NEURL4: variants seen among roughly 807,000 people sequenced by gnomAD.
The protein encoded by NEURL4 is neuralized E3 ubiquitin protein ligase 4.
Under a neutral mutation model 148.0 loss-of-function variants are expected in NEURL4, and 45 were observed. That is an observed-to-expected ratio of 0.30 (90% CI 0.24 to 0.39). The LOEUF is 0.39. NEURL4 is among the 10% of genes least tolerant of loss of function. The pLI is 1.00. For synonymous variants in NEURL4, 854 were observed against 869.0 expected, an observed-to-expected ratio of 0.98 and a Z score of 0.30; for missense variants, 1,776 against 2,144.0, an observed-to-expected ratio of 0.83 and a Z score of 3.39.
rs771693590 is a variant in NEURL4 at position 7,329,197 on chromosome 17, C to T, written c.116G>A (p.Gly39Asp). The change falls in exon 1 of 29, where the codon GGC becomes GAC. Residue 39 changes from glycine to aspartate, a missense_variant. Transcript: ENST00000399464. ...GCGCGGGTGCAGTTCCCCGCCGCTG[C>T]CCAGACCCCCGTTGGACCCCGGTCC... ...GSGPGSNGGL[G>D]SGGELHPRTG... 6.3e-7 allele frequency: 1 copy of T among 1,578,876 alleles called. No homozygotes were observed. The highest frequency in any genetic ancestry group is 8.6e-7 in the Non-Finnish European group (1 of 1,167,582).
Position 7,323,118 on chromosome 17 carries a change from G to A in NEURL4, c.2423C>T (p.Thr808Ile). 2 of 1,611,744 alleles carry A rather than the reference G, an allele frequency of 1.2e-6. No individual in the cohort carries two copies. Among genetic ancestry groups the A allele is most frequent in the South Asian group, 2.2e-5 (2 of 91,018 alleles). The change falls in exon 15 of 29, where the codon ACA (threonine) becomes ATA (isoleucine). Residue 808 changes from threonine to isoleucine, a missense_variant. Transcript: ENST00000399464. Reference sequence around the variant, plus strand: ...CGTGTTACCGTCTTGCATGATGGCTGTACCACTGGGGGGATGGCAGAAGGG... The same window carrying A: ...CGTGTTACCGTCTTGCATGATGGCTATACCACTGGGGGGATGGCAGAAGGG... ...IDYDTWMLSG[T>I]AIMQDGNTMR...
At chr17:7,316,779 G>A (rs1427906203) in intron 28 of NEURL4, among the ~76,000 whole-genome samples, 3 of 152,096 alleles carry the variant, frequency 2.0e-5, no homozygotes, top group African/African-American at 4.8e-5. Flanking sequence ...AAAATTATCC[G>A]GGCTTGGTGG....
rs184519148 is a variant in NEURL4 at position 7,319,868 on chromosome 17, T to C, written c.3526-660A>G. 6.1e-3 allele frequency among the ~76,000 whole-genome samples: 926 copies of C among 151,954 alleles called. 8 individuals carry two copies. The highest frequency in any genetic ancestry group is 0.022 in the African/African-American group (893 of 41,490). On this transcript the variant is annotated intron_variant, in intron 21 of 28. Coordinates refer to ENST00000399464, the MANE Select transcript of NEURL4 (RefSeq NM_032442.3). ...TTATTGAGACGGAGTCTCGCTCTGT[T>C]GCCCAGGCTGGAGTGCAGCGGTGCG...
Position 7,326,692 on chromosome 17 carries a change from A to G in NEURL4, c.1092+19T>C. Reference sequence around the variant, plus strand: ...CTCCCAGGGATAAGGCGCCAACCAGACCACAGGACTTTGCACACCTCAAAC... The same window carrying G: ...CTCCCAGGGATAAGGCGCCAACCAGGCCACAGGACTTTGCACACCTCAAAC... On this transcript the variant is annotated intron_variant, in intron 4 of 28. Transcript: ENST00000399464. This position sits in a 1 kb window ranked among gnomAD's most constrained non-coding sequence, Gnocchi z 6.0. The G allele has an allele frequency of 1.2e-6, 2 of 1,607,256 alleles. No individual in the cohort carries two copies. Among genetic ancestry groups the G allele is most frequent in the Non-Finnish European group, 1.7e-6 (2 of 1,177,114 alleles).
rs1202708942 is a variant in NEURL4 at position 7,329,324 on chromosome 17, C to A, written c.-12G>T. 8 of 1,380,930 alleles carry A rather than the reference C, an allele frequency of 5.8e-6. No homozygotes were observed. Among genetic ancestry groups the A allele is most frequent in the Non-Finnish European group, 7.4e-6 (8 of 1,074,642 alleles). The allele number at this position is 1,380,930 out of a possible 1,614,324, so 85.5% of individuals were successfully genotyped here. A position where few individuals can be genotyped will look rare whatever the true frequency, so the allele number is the denominator to read the frequency against. On this transcript the variant is annotated 5_prime_UTR_variant, in exon 1 of 29. Transcript: ENST00000399464. ...GACCCTGCCGCCATCTCCGCTGACA[C>A]CGGGGCAGCGCGACAGCCGCGCTTG...
chr17:7,323,970 T>C lies in NEURL4; in HGVS notation c.2105A>G (p.Gln702Arg). The change falls in exon 12 of 29, where the codon CAG becomes CGG. Residue 702 changes from glutamine (Q) to arginine (R), a missense_variant. Gln to Arg is a conservative substitution (Grantham distance 43). Transcript: ENST00000399464. ...TGAGGACGGAGAGCTTGGAGACACC[T>C]GGTTGTTCCCCTCAGGGAGTGGTTC... The part of the protein sequence containing the change: ...VPEPLPEGNN[Q>R]VSPSSPSSGA... The C allele has an allele frequency of 6.2e-7, 1 of 1,612,130 alleles. No individual in the cohort carries two copies. Among genetic ancestry groups the C allele is most frequent in the Non-Finnish European group, 8.5e-7 (1 of 1,180,008 alleles).
intron 21 of NEURL4, among the ~76,000 whole-genome samples, chr17:7,320,417 G>A (rs751481391): frequency 1.9e-4 from 29 of 152,144 alleles, no homozygotes; most frequent in Non-Finnish European, 3.7e-4. Flanking sequence ...TTACAGGTAT[G>A]AGCCACCGCA....
chr17:7,329,098 T>C lies in NEURL4; in HGVS notation c.215A>G (p.His72Arg), dbSNP rs745501035. ...RRQQPGQEFN[H>R]GLVLSREPLR... ...GGGTTCTCGGCTCAACACCAGCCCG[T>C]GGTTAAACTCCTGGCCCGGCTGCTG... Residue 72 changes from histidine (H) to arginine (R), a missense_variant, in exon 1 of 29, where the codon CAC (histidine) becomes CGC (arginine). Coordinates refer to ENST00000399464, the MANE Select transcript of NEURL4 (RefSeq NM_032442.3). 1 of 1,610,244 alleles carries C rather than the reference T, an allele frequency of 6.2e-7. No individual in the cohort carries two copies. Among genetic ancestry groups the C allele is most frequent in the Non-Finnish European group, 8.5e-7 (1 of 1,179,022 alleles).
rs750819667 is a variant in NEURL4 at position 7,317,292 on chromosome 17, G to A, written c.4397C>T (p.Ala1466Val). 1.3e-5 allele frequency: 20 copies of A among 1,529,292 alleles called. No individual in the cohort carries two copies. In the South Asian group the frequency reaches 2.2e-4, roughly 17 times the overall value. 94.7% of individuals were successfully genotyped at this position (1,529,292 alleles called of 1,614,324 possible). The part of the protein sequence containing the change: ...VGFEEPGENC[A>V]PPREEQPPPV... ...AGGGGGCTGCTCCTCCCGAGGAGGT[G>A]CACAGTTCTCGCCAGGCTCCTCGAA... The change falls in exon 28 of 29, where the codon GCA becomes GTA. Residue 1466 changes from alanine (A) to valine (V), a missense_variant. Coordinates refer to ENST00000399464, the MANE Select transcript of NEURL4 (RefSeq NM_032442.3).
chr17:7,325,163 C>A (rs76228653), intron 8 of NEURL4, 46 bp downstream of exon 8: 18 of 611,992 alleles, frequency 2.9e-5, no homozygotes, highest in East Asian at 2.0e-4. Context: ...CCCCCCCCCC[C>A]ATTAGAATCC....
Position 7,318,300 on chromosome 17 carries a change from T to A in NEURL4, c.3921A>T (p.Gln1307His). The part of the protein sequence containing the change: ...GAASGKSAGT[Q>H]GDMEKADMVD... Reference sequence around the variant, plus strand: ...CCATGTCTGCTTTCTCCATGTCCCCTTGGGTTCCAGCACTTTTCCCACTGG... The same window carrying A: ...CCATGTCTGCTTTCTCCATGTCCCCATGGGTTCCAGCACTTTTCCCACTGG... Residue 1307 changes from glutamine to histidine, a missense_variant, in exon 24 of 29, where the codon CAA becomes CAT. Physicochemically the swap from Gln to His is conservative, Grantham distance 24. Transcript: ENST00000399464. The surrounding 1 kb of genome is among the most constrained non-coding windows in gnomAD (Gnocchi z 4.3). The A allele has an allele frequency of 1.2e-6, 2 of 1,614,084 alleles. No homozygotes were observed. Among genetic ancestry groups the A allele is most frequent in the Non-Finnish European group, 1.7e-6 (2 of 1,180,002 alleles).
In NEURL4 at chr17:7,318,920, C is replaced by T; in HGVS notation, c.3684+130G>A. 15 of 1,096,558 alleles carry T rather than the reference C, an allele frequency of 1.4e-5. No individual in the cohort carries two copies. Among genetic ancestry groups the T allele is most frequent in the Non-Finnish European group, 1.9e-5 (15 of 769,988 alleles). The allele number at this position is 1,096,558 out of a possible 1,614,324, so 67.9% of individuals were successfully genotyped here. On this transcript the variant is annotated intron_variant, in intron 22 of 28. Transcript: ENST00000399464. This position sits in a 1 kb window ranked among gnomAD's most constrained non-coding sequence, Gnocchi z 4.3. ...GACCAGGCAATGCTACTCGCCCTTG[C>T]CTGCCCATTACTGTTCCCCTTTTAC...
chr17:7,317,959 G>A, intron 25 of NEURL4, 27 bp from the exon 26 acceptor site: 1 of 1,613,914 alleles, frequency 6.2e-7, no homozygotes, highest in African/African-American at 1.3e-5. Flanking sequence ...AGCAGGCTTG[G>A]TGCTGTGGCT....
At chr17:7,319,575 C>T (rs1437199654) in intron 21 of NEURL4, among the ~76,000 whole-genome samples, 2 of 150,908 alleles carry the variant, frequency 1.3e-5, no homozygotes. Context: ...TGTCATATGC[C>T]TGTAGTCCCA....
In NEURL4 at chr17:7,327,858, C is replaced by A; in HGVS notation, c.309G>T (p.Glu103Asp). The change falls in exon 2 of 29, where the codon GAG (glutamate) becomes GAT (aspartate). Residue 103 changes from glutamate (E) to aspartate (D), a missense_variant. Transcript: ENST00000399464. This position sits in a 1 kb window ranked among gnomAD's most constrained non-coding sequence, Gnocchi z 6.6. ...RKVNSWSGSI[E>D]IGVTALDPSV... ...TGGGGTCCAGCGCTGTCACCCCAATCTCAATGGAGCCGCTCCAGGAGTTGA... is the reference window on the plus strand; with the variant it reads ...TGGGGTCCAGCGCTGTCACCCCAATATCAATGGAGCCGCTCCAGGAGTTGA... 6.2e-7 allele frequency: 1 copy of A among 1,612,216 alleles called. No individual in the cohort carries two copies. The highest frequency in any genetic ancestry group is 1.1e-5 in the South Asian group (1 of 90,996).
chr17:7,324,145 A>G lies in NEURL4; in HGVS notation c.2025T>C (p.Tyr675=), dbSNP rs753910957. Residue 675 remains tyrosine, a synonymous_variant, in exon 11 of 29, where the codon TAT becomes TAC. Transcript: ENST00000399464. The surrounding 1 kb of genome is among the most constrained non-coding windows in gnomAD (Gnocchi z 5.9). ...CAATGGTGGCCTGGGCCGCCTGGCC[A>G]TAGAGATCGACGACAGCATAGACGC... ...PPGVYAVVDL[Y]GQAAQATIVD... 5 of 1,613,624 alleles carry G rather than the reference A, an allele frequency of 3.1e-6. No homozygotes were observed. The highest frequency in any genetic ancestry group is 4.2e-6 in the Non-Finnish European group (5 of 1,180,000).
chr17:7,317,105 G>A (rs2072958129), intron 28 of NEURL4, 100 bp downstream of exon 28: 2 of 792,130 alleles, frequency 2.5e-6, no homozygotes, highest in African/African-American at 1.8e-5. Flanking sequence ...AAGACGAGAT[G>A]AGAAAAGGGG....
chr17:7,326,831 G>A lies in NEURL4; in HGVS notation c.972C>T (p.Cys324=), dbSNP rs767347695. The part of the protein sequence containing the change: ...SNDALLFHEK[C]GTLIKLSNNN... ...TGTTGCTGAGTTTGATGAGGGTCCC[G>A]CACTTTTCATGAAAGAGCAGGGCAT... Residue 324 remains cysteine (C), a synonymous_variant, in exon 4 of 29, where the codon TGC becomes TGT. Coordinates refer to ENST00000399464, the MANE Select transcript of NEURL4 (RefSeq NM_032442.3). This position sits in a 1 kb window ranked among gnomAD's most constrained non-coding sequence, Gnocchi z 6.0. The A allele has an allele frequency of 1.1e-5, 17 of 1,613,688 alleles. No individual in the cohort carries two copies. In the Admixed American group the frequency reaches 2.3e-4, roughly 22 times the overall value.
intron 8 of NEURL4, 65 bp downstream of exon 8, chr17:7,325,144 T>TTC: frequency 1.0e-6 from 1 of 956,486 alleles, no homozygotes; most frequent in South Asian, 1.5e-5. Context: ...TCCACTTCCT[T>TTC]GCCCCGCCCC....
Sources: gnomAD v4.1 joint callset for allele counts (sites outside exome capture counted in the v4.1 genomes callset) on GRCh38, gnomAD v4.1.1 for gene constraint, Gnocchi (gnomAD v3.1) non-coding constraint, MANE v1.5 for transcripts, NCBI Gene and HGNC (gene_info 2026-07-23, HGNC 2026-07-21) for gene names.